PCDH11X: variants seen among roughly 807,000 people sequenced by gnomAD.
The protein encoded by PCDH11X is protocadherin-11 X-linked.
PCDH11X carries 18 observed loss-of-function variants against 53.3 expected under a neutral mutation model. The ratio of observed to expected loss-of-function variants is 0.34; its 90% CI spans 0.23 to 0.50. PCDH11X has a LOEUF of 0.50. PCDH11X is among the 20% of genes least tolerant of loss of function. PCDH11X has a pLI of 0.98. For synonymous variants in PCDH11X, 279 were observed against 393.3 expected, an observed-to-expected ratio of 0.71 and a Z score of 3.44; for missense variants, 570 against 1,032.4, an observed-to-expected ratio of 0.55 and a Z score of 6.14.
intron 8 of PCDH11X, among the ~76,000 whole-genome samples, chrX:92,376,432 C>T (rs1479568658): frequency 8.9e-6 from 1 of 112,050 alleles, no homozygotes; most frequent in Non-Finnish European, 1.9e-5. Context: ...GTAACAAACA[C>T]ACTGAAGAGA....
intron 6 of PCDH11X, among the ~76,000 whole-genome samples, chrX:91,969,836 AG>A: frequency 9.2e-6 from 1 of 109,286 alleles, no homozygotes. Context: ...GCAAAAGCAA[AG>A]GGGATCATCG....
intron 10 of PCDH11X, among the ~76,000 whole-genome samples, chrX:92,486,147 G>A (rs191003466): frequency 0.013 from 1,456 of 110,474 alleles, 24 homozygotes; most frequent in African/African-American, 0.046. Flanking sequence ...GGACGGTGGA[G>A]GTGAGTGAGA....
At chrX:91,872,537 G>A (rs1939381388) in intron 5 of PCDH11X, among the ~76,000 whole-genome samples, 1 of 110,623 alleles carries the variant, frequency 9.0e-6, no homozygotes, top group Admixed American at 9.7e-5. Context: ...TTTAAACAAA[G>A]CTTCATGCCA....
At chrX:92,036,076 G>T (rs1458283470) in intron 6 of PCDH11X, among the ~76,000 whole-genome samples, 2 of 67,524 alleles carry the variant, frequency 3.0e-5, no homozygotes, top group Non-Finnish European at 5.4e-5. Flanking sequence ...GAATCTCTTT[G>T]AGTTTTCTCA....
chrX:92,378,940 G>A (rs946837785), intron 8 of PCDH11X, among the ~76,000 whole-genome samples: 1 of 112,917 alleles, frequency 8.9e-6, no homozygotes, highest in Non-Finnish European at 1.9e-5. Context: ...ATCTTACTTC[G>A]GACCTACTAA....
intron 10 of PCDH11X, among the ~76,000 whole-genome samples, chrX:92,470,549 G>GT (rs2073241196): frequency 9.1e-6 from 1 of 109,622 alleles, no homozygotes; most frequent in Non-Finnish European, 1.9e-5. Context: ...AACACTTTTC[G>GT]TTTTTTCCCC....
At chrX:92,336,452 A>G in intron 8 of PCDH11X, among the ~76,000 whole-genome samples, 1 of 112,359 alleles carries the variant, frequency 8.9e-6, no homozygotes, top group Non-Finnish European at 1.9e-5. Context: ...TGTGAAAAAT[A>G]TAGTCAAAGT....
chrX:92,153,198 C>T (rs2065471236), intron 6 of PCDH11X, among the ~76,000 whole-genome samples: 1 of 109,564 alleles, frequency 9.1e-6, no homozygotes, highest in Admixed American at 9.9e-5. Context: ...GACAATCGAC[C>T]TACAGGAGGA....
At chrX:92,057,058 A>G in intron 6 of PCDH11X, among the ~76,000 whole-genome samples, 1 of 110,557 alleles carries the variant, frequency 9.0e-6, no homozygotes, top group Non-Finnish European at 1.9e-5. Context: ...ACAAACAAAC[A>G]AAAAACAACA....
intron 6 of PCDH11X, among the ~76,000 whole-genome samples, chrX:91,957,663 A>G (rs2061728303): frequency 9.0e-6 from 1 of 110,938 alleles, no homozygotes; most frequent in Non-Finnish European, 1.9e-5. Context: ...CCAGGGGGAT[A>G]CTGATCTGTT....
intron 8 of PCDH11X, among the ~76,000 whole-genome samples, chrX:92,331,086 A>G (rs777168081): frequency 8.0e-4 from 84 of 104,714 alleles, no homozygotes; most frequent in African/African-American, 2.8e-3. Flanking sequence ...TTAAAACTTA[A>G]TAAAGCTTTT....
At position 91,941,667 on chromosome X, in the gene PCDH11X, A is replaced by C. The variant is rs201409070; in HGVS notation, c.3033+62394A>C. On this transcript the variant is annotated intron_variant, in intron 6 of 10. Transcript: ENST00000682573. ...GATTCAACAAGTTTTGTGATCAGAGAGGACATAATAGACTGGATTGCCACT... is the reference window on the plus strand; with the variant it reads ...GATTCAACAAGTTTTGTGATCAGAGCGGACATAATAGACTGGATTGCCACT... Among the ~76,000 whole-genome samples, 9 of 108,677 alleles carry C rather than the reference A, an allele frequency of 8.3e-5. No homozygotes were observed. In the East Asian group the frequency reaches 2.6e-3, roughly 32 times the overall value. The allele number at this position is 108,677 out of a possible 115,157, so 94.4% of individuals were successfully genotyped here.
At chrX:92,502,340 G>A (rs2073975172) in intron 10 of PCDH11X, among the ~76,000 whole-genome samples, 1 of 101,352 alleles carries the variant, frequency 9.9e-6, no homozygotes. Flanking sequence ...AACTACCATT[G>A]ACATTCTTCA....
At chrX:92,048,557 T>C (rs2063325430) in intron 6 of PCDH11X, among the ~76,000 whole-genome samples, 2 of 111,061 alleles carry the variant, frequency 1.8e-5, no homozygotes, top group Admixed American at 1.9e-4. Flanking sequence ...TAGCTACTTA[T>C]CAAAAGAAGC....
rs773216692 is a variant in PCDH11X, at chrX:92,030,075, C to T, written c.3033+150802C>T. On this transcript the variant is annotated intron_variant, in intron 6 of 10. Transcript: ENST00000682573. ...CCTCCCAGGTTCAAGCGATTCTCCT[C>T]CCTCAGCTTCACAAGTAGCTGGGAC... Among the ~76,000 whole-genome samples, 17 of 111,759 alleles carry T rather than the reference C, an allele frequency of 1.5e-4. No individual in the cohort carries two copies. The South Asian group carries it at 6.3e-3, about 42-fold the overall frequency.
chrX:92,098,636 CTTTTTTTTTTTTT>C (rs34306564), intron 6 of PCDH11X, among the ~76,000 whole-genome samples: 205 of 43,906 alleles, frequency 4.7e-3, no homozygotes, highest in African/African-American at 0.019. Context: ...TCCAAATGCT[CTTTTTTTTTTTTT>C]TTTTTTTTTT....
At chrX:92,081,670 T>C (rs2063858544) in intron 6 of PCDH11X, among the ~76,000 whole-genome samples, 2 of 108,050 alleles carry the variant, frequency 1.9e-5, no homozygotes, top group South Asian at 8.1e-4. Flanking sequence ...TACTGGAAAC[T>C]AGAGAATAGC....
At chrX:91,961,927 G>A (rs760596359) in intron 6 of PCDH11X, among the ~76,000 whole-genome samples, 299 of 110,792 alleles carry the variant, frequency 2.7e-3, no homozygotes, top group Non-Finnish European at 4.3e-3. Context: ...ATCAGATCTC[G>A]TGAGAACTCA....
At chrX:92,343,241 T>C (rs1469433711) in intron 8 of PCDH11X, among the ~76,000 whole-genome samples, 1 of 111,910 alleles carries the variant, frequency 8.9e-6, no homozygotes, top group Non-Finnish European at 1.9e-5. Flanking sequence ...CCATCTGCCT[T>C]GTTTAGTGTT....
Sources: allele counts gnomAD v4.1 joint callset (sites outside exome capture counted in the v4.1 genomes callset), GRCh38; gene constraint gnomAD v4.1.1; transcripts MANE v1.5; gene names NCBI Gene and HGNC (gene_info 2026-07-23, HGNC 2026-07-21).